ATG9B: variants seen among roughly 807,000 people sequenced by gnomAD.
The protein encoded by ATG9B is autophagy-related protein 9B.
In ATG9B, 92 loss-of-function variants were observed where a neutral mutation model predicts 92.9. The observed-to-expected ratio is 0.99, with a 90% CI of 0.84 to 1.18. The LOEUF (loss-of-function observed/expected upper bound fraction) is 1.18, where lower values mean the gene tolerates loss of function less well. Among genes scored for constraint, ATG9B ranks in the 50% most tolerant of loss-of-function variants. ATG9B has a pLI of 0.00. For synonymous variants in ATG9B, 599 were observed against 551.4 expected (o/e 1.09, Z -1.21); for missense variants, 1,344 against 1,235.0 (o/e 1.09, Z -1.32).
At chr7:151,016,951 C>T (rs1376331849) in intron 9 of ATG9B, 85 bp downstream of exon 9, 15 of 1,500,660 alleles carry the variant, frequency 1.0e-5, no homozygotes, top group Non-Finnish European at 1.4e-5. Context: ...AGGCAGGTTA[C>T]TACCTAAGGT....
At position 151,019,339 on chromosome 7, in the gene ATG9B, C is replaced by T. The variant is rs1795663370; in HGVS notation, c.999G>A (p.Gln333=). 4 of 1,546,032 alleles carry T rather than the reference C, an allele frequency of 2.6e-6. No homozygotes were observed. The Admixed American group carries it at 7.5e-5, about 29-fold the overall frequency. The part of the protein sequence containing the change: ...ELSSVPWAEV[Q]SRLLALQRSG... Reference sequence around the variant, plus strand: ...TCCGCTGCAGTGCCAAGAGGCGGGACTGCACCTCTGCCCAGGGAACCGAGC... The same window carrying T: ...TCCGCTGCAGTGCCAAGAGGCGGGATTGCACCTCTGCCCAGGGAACCGAGC... Residue 333 remains glutamine (Q), a synonymous_variant, in exon 6 of 14, where the codon CAG becomes CAA. Coordinates refer to ENST00000639579, the MANE Select transcript of ATG9B (RefSeq NM_001317056.2).
chr7:151,023,569 C>T (rs1312055866), intron 2 of ATG9B, 60 bp from the exon 3 acceptor site: 5 of 1,611,064 alleles, frequency 3.1e-6, no homozygotes, highest in Non-Finnish European at 4.2e-6. Context: ...GGACACCTCC[C>T]CTCAGCCCCA....
In ATG9B at chr7:151,018,863, A is replaced by G; in HGVS notation, c.1475T>C (p.Phe492Ser). 1 of 1,336,872 alleles carries G rather than the reference A, an allele frequency of 7.5e-7. No individual in the cohort carries two copies. 82.8% of individuals were successfully genotyped at this position (1,336,872 alleles called of 1,614,324 possible). A position where few individuals can be genotyped will look rare whatever the true frequency, so the allele number is the denominator to read the frequency against. ...SRLARLQLRH[F>S]NELPHELRAR... ...GCGCAGCTCGTGCGGCAGCTCGTTG[A>G]AGTGGCGCAGCTGCAAGCGCGCCAG... Residue 492 changes from phenylalanine (F) to serine (S), a missense_variant, in exon 6 of 14, where the codon TTC (phenylalanine) becomes TCC (serine). Transcript: ENST00000639579. The surrounding 1 kb of genome is among the most constrained non-coding windows in gnomAD (Gnocchi z 4.7).
downstream of ATG9B, chr7:151,012,397 C>G: frequency 6.3e-7 from 1 of 1,599,928 alleles, no homozygotes; most frequent in Non-Finnish European, 8.5e-7. Context: ...GCCCTGCATC[C>G]TGGTGGGTCC....
chr7:151,017,983 G>T lies in ATG9B; in HGVS notation c.1940C>A (p.Pro647His), dbSNP rs1198094849. The change falls in exon 8 of 14, where the codon CCT becomes CAT. Residue 647 changes from proline (P) to histidine (H), a missense_variant. Coordinates refer to ENST00000639579, the MANE Select transcript of ATG9B (RefSeq NM_001317056.2). ...TPLFLLFWFR[P>H]RALEIIDFFH... is the part of the protein sequence containing the mutation. ...AAAGTCGATAATCTCCAGGGCACGAGGGCGGAACCAGAAAAGCAGAAACAG... is the reference window on the plus strand; with the variant it reads ...AAAGTCGATAATCTCCAGGGCACGATGGCGGAACCAGAAAAGCAGAAACAG... 6.2e-7 allele frequency: 1 copy of T among 1,605,946 alleles called. No homozygotes were observed.
chr7:151,019,441 AC>A, intron 5 of ATG9B, 67 bp from the exon 6 acceptor site: 2 of 1,478,330 alleles, frequency 1.4e-6, no homozygotes, highest in South Asian at 1.4e-5. Context: ...CAAGCTCCAC[AC>A]CCCTAAGTGT....
rs1198075009 is a variant in ATG9B at position 151,023,175 on chromosome 7, A to C, written c.691T>G (p.Phe231Val). 2 of 1,614,184 alleles carry C rather than the reference A, an allele frequency of 1.2e-6. No homozygotes were observed. Among genetic ancestry groups the C allele is most frequent in the Admixed American group, 3.3e-5 (2 of 60,024 alleles). ...QFIFIVTFTT[F>V]LLRCVDYNVL... The stretch of plus-strand genomic sequence containing the variant: ...TTGTAATCCACGCATCGAAGGAGGA[A>C]GGTTGTGAAGGTGACAATGAAAATA... The change falls in exon 4 of 14, where the codon TTC becomes GTC. Residue 231 changes from phenylalanine (F) to valine (V), a missense_variant. Coordinates refer to ENST00000639579, the MANE Select transcript of ATG9B (RefSeq NM_001317056.2).
chr7:151,017,631 T>C (rs928354639), intron 8 of ATG9B, among the ~76,000 whole-genome samples: 6 of 152,170 alleles, frequency 3.9e-5, no homozygotes, highest in East Asian at 1.9e-4. Context: ...AGCAACTCCA[T>C]CATAGGCTAT....
At chr7:151,016,850 A>G (rs1238764600) in intron 9 of ATG9B, 29 bp from the exon 10 acceptor site, 2 of 1,584,678 alleles carry the variant, frequency 1.3e-6, no homozygotes, top group African/African-American at 2.7e-5. Flanking sequence ...GGAAAGCCAA[A>G]GAGGGAGTCA....
chr7:151,019,072 G>A lies in ATG9B; in HGVS notation c.1266C>T (p.Tyr422=), dbSNP rs1258378865. The A allele has an allele frequency of 6.5e-7, 1 of 1,536,426 alleles. No homozygotes were observed. Residue 422 remains tyrosine (Y), a synonymous_variant, in exon 6 of 14, where the codon TAC becomes TAT. Coordinates refer to ENST00000639579, the MANE Select transcript of ATG9B (RefSeq NM_001317056.2). Reference sequence around the variant, plus strand: ...GGGCGCCCCGCTGGTCGCTGCGCTTGTAGGCGTGCGGCAGCTCCCAGCCCC... The same window carrying A: ...GGGCGCCCCGCTGGTCGCTGCGCTTATAGGCGTGCGGCAGCTCCCAGCCCC... ...FRGGWELPHA[Y]KRSDQRGALA... is the part of the protein sequence containing the mutation.
In ATG9B at chr7:151,018,949, A is replaced by G. The variant is rs373935869; in HGVS notation, c.1389T>C (p.Tyr463=). The change falls in exon 6 of 14, where the codon TAT becomes TAC. Residue 463 remains tyrosine, a synonymous_variant. Coordinates refer to ENST00000639579, the MANE Select transcript of ATG9B (RefSeq NM_001317056.2). The surrounding 1 kb of genome is among the most constrained non-coding windows in gnomAD (Gnocchi z 4.7). Reference sequence around the variant, plus strand: ...CGCGCCGCAGCAGCTCCACGTGGCTATAGAAGACGTGCAGAACCTGCCAGG... The same window carrying G: ...CGCGCCGCAGCAGCTCCACGTGGCTGTAGAAGACGTGCAGAACCTGCCAGG... ...VLAWQVLHVF[Y]SHVELLRREP... 1.8e-4 allele frequency: 283 copies of G among 1,569,982 alleles called. 2 individuals carry two copies. In the East Asian group the frequency reaches 5.9e-3, roughly 33 times the overall value.
Position 151,018,286 on chromosome 7 carries a change from A to C in ATG9B, c.1872+8T>G. The C allele has an allele frequency of 6.5e-7, 1 of 1,531,660 alleles. No homozygotes were observed. Among genetic ancestry groups the C allele is most frequent in the Non-Finnish European group, 8.7e-7 (1 of 1,147,682 alleles). The allele number at this position is 1,531,660 out of a possible 1,614,324, so 94.9% of individuals were successfully genotyped here. On this transcript the variant is annotated splice_region_variant and intron_variant, in intron 7 of 13. Transcript: ENST00000639579. This position sits in a 1 kb window ranked among gnomAD's most constrained non-coding sequence, Gnocchi z 4.7. ...TCCTCCTCAGCCCGCCGTCGCGCCC[A>C]CCCTCACCGCTCGGTACTGCAGCAG...
rs758654470 is a variant in ATG9B, at chr7:151,018,373, T to TGCA, written c.1790_1792dup (p.Met597_His598insLeu). The stretch of plus-strand genomic sequence containing the variant: ...GGGGCCGGGCTCCTCCGGGAGGTAG[T>TGCA]GCATGTGGGCCAGGGCTGTCTGCAG... On this transcript the variant is annotated inframe_insertion, in exon 7 of 14. Transcript: ENST00000639579. This position sits in a 1 kb window ranked among gnomAD's most constrained non-coding sequence, Gnocchi z 4.7. The TGCA allele has an allele frequency of 6.3e-7, 1 of 1,597,096 alleles. No individual in the cohort carries two copies. Among genetic ancestry groups the TGCA allele is most frequent in the South Asian group, 1.1e-5 (1 of 88,914 alleles).
downstream of ATG9B, chr7:151,013,188 G>A (rs1795344246): frequency 1.9e-6 from 3 of 1,587,908 alleles, no homozygotes; most frequent in African/African-American, 2.7e-5. Flanking sequence ...CACTAGCACT[G>A]TGCCCCGGAG....
rs1380297106 is a variant in ATG9B at position 151,016,674 on chromosome 7, C to T, written c.2423+14G>A. The T allele has an allele frequency of 3.8e-6, 6 of 1,566,764 alleles. No homozygotes were observed. In the South Asian group the frequency reaches 5.8e-5, roughly 15 times the overall value. Reference sequence around the variant, plus strand: ...CCCTCCACATGCCCCTGCATCTCAGCCTCCACTCCTCACCTGGGGTCCTGG... The same window carrying T: ...CCCTCCACATGCCCCTGCATCTCAGTCTCCACTCCTCACCTGGGGTCCTGG... On this transcript the variant is annotated intron_variant, in intron 10 of 13. Coordinates refer to ENST00000639579, the MANE Select transcript of ATG9B (RefSeq NM_001317056.2).
chr7:151,016,836 A>C lies in ATG9B; in HGVS notation c.2290-15T>G. On this transcript the variant is annotated splice_polypyrimidine_tract_variant and intron_variant, in intron 9 of 13. Coordinates refer to ENST00000639579, the MANE Select transcript of ATG9B (RefSeq NM_001317056.2). ...AAGGCCTCAGGCTGGGTGCAAGAGG[A>C]GAGGGAAAGCCAAAGAGGGAGTCAG... is the stretch of plus-strand genomic sequence containing the variant. The C allele has an allele frequency of 6.3e-7, 1 of 1,594,538 alleles. No individual in the cohort carries two copies. Among genetic ancestry groups the C allele is most frequent in the Non-Finnish European group, 8.5e-7 (1 of 1,171,030 alleles).
chr7:151,014,765 C>G (rs140258105), downstream of ATG9B: 1 of 152,114 alleles, frequency 6.6e-6, no homozygotes, highest in Non-Finnish European at 1.5e-5. Flanking sequence ...CCTGCCACCG[C>G]GCCCGGCTAG....
intron 11 of ATG9B, 87 bp from the exon 12 acceptor site, chr7:151,016,322 T>G: frequency 2.0e-6 from 3 of 1,481,472 alleles, no homozygotes; most frequent in Non-Finnish European, 2.7e-6. Flanking sequence ...CTTTTCAGCC[T>G]CCTCCTGCCA....
chr7:151,013,457 C>G, downstream of ATG9B: 2 of 1,505,158 alleles, frequency 1.3e-6, no homozygotes, highest in Admixed American at 2.0e-5. Flanking sequence ...GCGGGGCACA[C>G]CAACCACGGC....
Sources: gnomAD v4.1 joint callset for allele counts (sites outside exome capture counted in the v4.1 genomes callset) on GRCh38, gnomAD v4.1.1 for gene constraint, Gnocchi (gnomAD v3.1) non-coding constraint, MANE v1.5 for transcripts, NCBI Gene and HGNC (gene_info 2026-07-23, HGNC 2026-07-21) for gene names.